Variants in CADPS observed in about 807,000 individuals in gnomAD.
CADPS encodes calcium dependent secretion activator, also known as calcium-dependent secretion activator 1.
In CADPS, 57 loss-of-function variants were observed where a neutral mutation model predicts 167.3. The ratio of observed to expected loss-of-function variants is 0.34; its 90% CI spans 0.28 to 0.42. The LOEUF (loss-of-function observed/expected upper bound fraction) is 0.42, where lower values mean the gene tolerates loss of function less well. Ranked by LOEUF, CADPS falls within the 20% of genes least tolerant of loss-of-function variation. The pLI, the probability that CADPS is intolerant of heterozygous loss-of-function variation, is 1.00. For missense variants in CADPS, 1,414 were observed against 1,738.1 expected, an observed-to-expected ratio of 0.81 and a Z score of 3.32; for synonymous variants, 676 against 635.3, an observed-to-expected ratio of 1.06 and a Z score of -0.96.
intron 11 of CADPS, among the ~76,000 whole-genome samples, chr3:62,539,342 G>C (rs1447409745): frequency 6.6e-6 from 1 of 152,062 alleles, no homozygotes; most frequent in Non-Finnish European, 1.5e-5. Context: ...AATGCAGTGG[G>C]AATTTCCAGC....
chr3:62,866,072 C>T (rs1320992306), intron 1 of CADPS, among the ~76,000 whole-genome samples: 1 of 152,102 alleles, frequency 6.6e-6, no homozygotes, highest in East Asian at 1.9e-4. Context: ...TGTTTGATCA[C>T]TTAAACACAC....
At chr3:62,488,527 T>C (rs2063184425) in intron 21 of CADPS, among the ~76,000 whole-genome samples, 2 of 152,082 alleles carry the variant, frequency 1.3e-5, no homozygotes, top group African/African-American at 4.8e-5. Context: ...GGACTCACTC[T>C]GTCACCCCAG....
intron 3 of CADPS, among the ~76,000 whole-genome samples, chr3:62,694,303 G>T (rs554229837): frequency 6.6e-6 from 1 of 152,164 alleles, no homozygotes; most frequent in East Asian, 1.9e-4. Context: ...TGCCATAATT[G>T]GTTTGATCAT....
chr3:62,676,903 G>A (rs1424289132), intron 3 of CADPS, among the ~76,000 whole-genome samples: 5 of 152,120 alleles, frequency 3.3e-5, no homozygotes, highest in African/African-American at 9.7e-5. Context: ...GACAGCCTGG[G>A]GCTTTGATGC....
At chr3:62,811,870 T>C (rs1321762797) in intron 1 of CADPS, among the ~76,000 whole-genome samples, 1 of 152,234 alleles carries the variant, frequency 6.6e-6, no homozygotes, top group Non-Finnish European at 1.5e-5. Context: ...GAGTATGAAT[T>C]AAACTTTACA....
intron 3 of CADPS, among the ~76,000 whole-genome samples, chr3:62,745,011 C>A (rs543758507): frequency 6.6e-6 from 1 of 152,292 alleles, no homozygotes; most frequent in South Asian, 2.1e-4. Context: ...TTAAATATTG[C>A]CCTCTGGCCC....
chr3:62,768,932 T>C (rs1410269315), intron 1 of CADPS, among the ~76,000 whole-genome samples: 1 of 152,170 alleles, frequency 6.6e-6, no homozygotes, highest in Admixed American at 6.5e-5. Context: ...GGGCATGGAC[T>C]TCAGCGGCAG....
chr3:62,551,415 T>C (rs746630615), intron 10 of CADPS, among the ~76,000 whole-genome samples: 4 of 152,220 alleles, frequency 2.6e-5, no homozygotes, highest in Admixed American at 6.5e-5. Context: ...ATCATAAATG[T>C]AGCCAGGATC....
intron 1 of CADPS, among the ~76,000 whole-genome samples, chr3:62,839,647 A>T (rs1468969138): frequency 6.6e-6 from 1 of 152,108 alleles, no homozygotes; most frequent in East Asian, 1.9e-4. Context: ...TCTGGCAGAG[A>T]GTGTGAAGAA....
chr3:62,776,168 AC>A (rs1340498428), intron 1 of CADPS, among the ~76,000 whole-genome samples: 4 of 152,316 alleles, frequency 2.6e-5, no homozygotes, highest in African/African-American at 9.6e-5. Flanking sequence ...TAGTGAATCT[AC>A]TACCAGCAAG....
rs931464077 is a variant in CADPS at position 62,529,176 on chromosome 3, A to G, written c.2291+3695T>C. The stretch of plus-strand genomic sequence containing the variant: ...GACTTCATCTCAAAAAAACAAAAAC[A>G]AAAAAGCACTTTGTAAACTGTAGAA... On this transcript the variant is annotated intron_variant, in intron 13 of 29. Transcript: ENST00000383710. 3.9e-5 allele frequency among the ~76,000 whole-genome samples: 6 copies of G among 152,288 alleles called. No individual in the cohort carries two copies. In the East Asian group the frequency reaches 7.7e-4, roughly 20 times the overall value.
At chr3:62,529,369 C>T (rs748515191) in intron 13 of CADPS, among the ~76,000 whole-genome samples, 24 of 152,310 alleles carry the variant, frequency 1.6e-4, no homozygotes, top group Non-Finnish European at 2.5e-4. Flanking sequence ...GTGTGCCTTT[C>T]AACACTGGCC....
intron 1 of CADPS, among the ~76,000 whole-genome samples, chr3:62,843,185 T>A (rs1255927221): frequency 1.3e-5 from 2 of 152,162 alleles, no homozygotes; most frequent in Non-Finnish European, 2.9e-5. Flanking sequence ...AATGATGCAG[T>A]TTAAAGTCAA....
chr3:62,554,899 C>T (rs747995130), intron 10 of CADPS, among the ~76,000 whole-genome samples: 6 of 152,166 alleles, frequency 3.9e-5, no homozygotes, highest in South Asian at 4.2e-4. Context: ...ATTACAGGTG[C>T]GTGCCACCAC....
chr3:62,628,999 G>A (rs1031208186), intron 6 of CADPS, among the ~76,000 whole-genome samples: 2 of 152,018 alleles, frequency 1.3e-5, no homozygotes, highest in Non-Finnish European at 2.9e-5. Context: ...AGCCACCATT[G>A]TCTCTTGCTT....
chr3:62,859,226 C>G (rs2080293161), intron 1 of CADPS, among the ~76,000 whole-genome samples: 1 of 152,040 alleles, frequency 6.6e-6, no homozygotes. Context: ...TTATTTATTG[C>G]CAGGTCATAA....
chr3:62,413,129 G>A (rs148040935), intron 28 of CADPS, among the ~76,000 whole-genome samples: 28 of 152,248 alleles, frequency 1.8e-4, no homozygotes, highest in Admixed American at 1.4e-3. Flanking sequence ...TTAAAGACAC[G>A]AAGGCACAAG....
chr3:62,493,808 G>A, intron 18 of CADPS, 143 bp from the exon 19 acceptor site: 1 of 661,674 alleles, frequency 1.5e-6, no homozygotes. Context: ...GGAGATGCTG[G>A]CCTGTCAGCA....
intron 1 of CADPS, among the ~76,000 whole-genome samples, chr3:62,859,650 A>G (rs1250049555): frequency 6.6e-6 from 1 of 151,936 alleles, no homozygotes; most frequent in East Asian, 1.9e-4. Context: ...AAGACAGTAG[A>G]AAGAAATCCT....
Sources: allele counts gnomAD v4.1 joint callset (sites outside exome capture counted in the v4.1 genomes callset), GRCh38; gene constraint gnomAD v4.1.1; transcripts MANE v1.5; gene names NCBI Gene and HGNC (gene_info 2026-07-23, HGNC 2026-07-21).